Variants in DNAH12 observed in about 807,000 individuals in gnomAD.
DNAH12 encodes axonemal beta dynein heavy chain 12.
Under a neutral mutation model 371.5 loss-of-function variants are expected in DNAH12, and 285 were observed. That is an observed-to-expected ratio of 0.77 (90% CI 0.70 to 0.85). The LOEUF is 0.85. Ranked by LOEUF, DNAH12 falls within the 40% of genes least tolerant of loss-of-function variation. The pLI is 0.00. For missense variants in DNAH12, 3,611 were observed against 3,689.4 expected (o/e 0.98, Z 0.55); for synonymous variants, 1,200 against 1,213.0 (o/e 0.99, Z 0.22).
At chr3:57,408,160 G>A in intron 40 of DNAH12, 120 bp downstream of exon 40, 1 of 1,120,648 alleles carries the variant, frequency 8.9e-7, no homozygotes, top group Middle Eastern at 2.6e-4. Flanking sequence ...CTATTCTCTG[G>A]TCTTCTAAAC....
chr3:57,347,252 A>G (rs1311377813), intron 60 of DNAH12, among the ~76,000 whole-genome samples: 2 of 152,276 alleles, frequency 1.3e-5, no homozygotes, highest in African/African-American at 4.8e-5. Context: ...TAGCAACAAA[A>G]TACAGCAAAT....
chr3:57,477,081 G>A (rs6445891), intron 13 of DNAH12, among the ~76,000 whole-genome samples: 101,505 of 151,806 alleles, frequency 0.67, 34,197 homozygotes, highest in South Asian at 0.75. Flanking sequence ...GTAGGTGCAG[G>A]TCAGTGGGTG....
At chr3:57,437,194 T>G in intron 29 of DNAH12, 134 bp from the exon 30 acceptor site, 1 of 661,846 alleles carries the variant, frequency 1.5e-6, no homozygotes, top group Non-Finnish European at 2.5e-6. Context: ...AAAACTTTAT[T>G]ATTTTTTCAA....
intron 43 of DNAH12, among the ~76,000 whole-genome samples, chr3:57,395,618 C>A (rs1020408589): frequency 2.0e-5 from 3 of 151,956 alleles, no homozygotes; most frequent in Non-Finnish European, 2.9e-5. Context: ...TGTATCAAAT[C>A]ATGTCAGGTT....
At chr3:57,342,013 G>A (rs1317003180) in intron 60 of DNAH12, among the ~76,000 whole-genome samples, 1 of 152,080 alleles carries the variant, frequency 6.6e-6, no homozygotes, top group Admixed American at 6.6e-5. Context: ...CATTGATTGG[G>A]GAAGGACAGT....
rs2067044606 is a variant in DNAH12 at position 57,489,559 on chromosome 3, T to C, written c.1464A>G (p.Ala488=). The C allele has an allele frequency of 6.5e-7, 1 of 1,532,648 alleles. No homozygotes were observed. The highest frequency in any genetic ancestry group is 2.2e-5 in the Admixed American group (1 of 45,428). 94.9% of individuals were successfully genotyped at this position (1,532,648 alleles called of 1,614,324 possible). Residue 488 remains alanine (A), a synonymous_variant, in exon 12 of 74, where the codon GCA becomes GCG. Coordinates refer to ENST00000495027, the MANE Select transcript of DNAH12 (RefSeq NM_001366028.2). ...TGLTNKAKAF[A]NILLNDIASK... ...AAGCTATGTCATTTAATAATATGTT[T>C]GCAAAGGCTTTTGCTTTATTTGTCA... is the stretch of plus-strand genomic sequence containing the variant.
chr3:57,442,466 G>A (rs971287501), intron 29 of DNAH12, among the ~76,000 whole-genome samples: 3 of 152,142 alleles, frequency 2.0e-5, no homozygotes, highest in Admixed American at 6.5e-5. Context: ...TAACTGTAAA[G>A]TTGTAATAAG....
At chr3:57,470,777 G>C (rs1220045713) in intron 15 of DNAH12, 141 bp from the exon 16 acceptor site, 18 of 707,456 alleles carry the variant, frequency 2.5e-5, no homozygotes, top group Middle Eastern at 4.1e-4. Flanking sequence ...CGTGATCTGG[G>C]CTCACTGCAA....
intron 59 of DNAH12, among the ~76,000 whole-genome samples, chr3:57,355,043 T>G (rs2062765974): frequency 3.9e-5 from 6 of 152,158 alleles, no homozygotes; most frequent in Admixed American, 3.9e-4. Context: ...GGTAGAAATA[T>G]TCTGTATCTT....
intron 4 of DNAH12, among the ~76,000 whole-genome samples, chr3:57,511,687 C>T (rs1331224903): frequency 6.6e-6 from 1 of 152,190 alleles, no homozygotes; most frequent in Non-Finnish European, 1.5e-5. Context: ...GACATTAGAA[C>T]ATACCAGAAA....
At chr3:57,388,969 G>T (rs2063552343) in intron 45 of DNAH12, among the ~76,000 whole-genome samples, 1 of 151,698 alleles carries the variant, frequency 6.6e-6, no homozygotes, top group Admixed American at 6.6e-5. Flanking sequence ...TGAGTTAATG[G>T]GTGCAGCACA....
At chr3:57,467,214 G>C (rs529805252) in intron 17 of DNAH12, among the ~76,000 whole-genome samples, 1 of 152,212 alleles carries the variant, frequency 6.6e-6, no homozygotes, top group African/African-American at 2.4e-5. Context: ...TGCCTCCCGG[G>C]TTCAAATGAT....
intron 60 of DNAH12, among the ~76,000 whole-genome samples, 199 bp downstream of exon 60, chr3:57,351,886 C>T (rs1444407714): frequency 1.3e-5 from 2 of 152,098 alleles, no homozygotes; most frequent in Admixed American, 1.3e-4. Flanking sequence ...ACTCTGTGAA[C>T]TTTTCTGTTA....
intron 60 of DNAH12, among the ~76,000 whole-genome samples, chr3:57,342,218 G>C (rs532007846): frequency 1.3e-5 from 2 of 152,172 alleles, no homozygotes; most frequent in Admixed American, 1.3e-4. Context: ...AAGATTTTAT[G>C]AATAAGAACT....
intron 69 of DNAH12, among the ~76,000 whole-genome samples, chr3:57,306,921 T>C (rs2107669522): frequency 6.6e-6 from 1 of 152,282 alleles, no homozygotes; most frequent in East Asian, 1.9e-4. Flanking sequence ...CATTATTCTG[T>C]TCTGGATCTT....
intron 32 of DNAH12, among the ~76,000 whole-genome samples, chr3:57,433,096 T>C (rs542240832): frequency 1.8e-4 from 28 of 152,050 alleles, no homozygotes; most frequent in Admixed American, 6.5e-5. Context: ...CTGAAGTCAC[T>C]TAACAACTTA....
chr3:57,406,358 A>G (rs1553681246), intron 40 of DNAH12, among the ~76,000 whole-genome samples: 1 of 148,328 alleles, frequency 6.7e-6, no homozygotes, highest in East Asian at 1.9e-4. Flanking sequence ...TTCTGCCTCA[A>G]AAAAAAAAAA....
chr3:57,377,709 C>A (rs2153340022), intron 52 of DNAH12, among the ~76,000 whole-genome samples: 1 of 152,054 alleles, frequency 6.6e-6, no homozygotes, highest in Admixed American at 6.5e-5. Flanking sequence ...AGGAAGAAAA[C>A]CTCAATGCTC....
At chr3:57,311,051 T>A in intron 66 of DNAH12, 101 bp from the exon 67 acceptor site, 1 of 831,172 alleles carries the variant, frequency 1.2e-6, no homozygotes, top group Non-Finnish European at 1.9e-6. Context: ...GTTGAAAGAA[T>A]TATCATGAGT....
Sources: gnomAD v4.1 joint callset for allele counts (sites outside exome capture counted in the v4.1 genomes callset) on GRCh38, gnomAD v4.1.1 for gene constraint, MANE v1.5 for transcripts, NCBI Gene and HGNC (gene_info 2026-07-23, HGNC 2026-07-21) for gene names.